Variants in ZBTB20 observed in about 807,000 individuals in gnomAD.
ZBTB20 encodes the protein zinc finger and BTB domain-containing protein 20.
In ZBTB20, 9 loss-of-function variants were observed where a neutral mutation model predicts 56.9. The ratio of observed to expected loss-of-function variants is 0.16; its 90% CI spans 0.10 to 0.28. ZBTB20 has a LOEUF of 0.28. ZBTB20 is among the 10% of genes least tolerant of loss of function. The pLI, the probability that ZBTB20 is intolerant of heterozygous loss-of-function variation, is 1.00. For synonymous variants in ZBTB20, 417 were observed against 420.7 expected (o/e 0.99, Z 0.11); for missense variants, 655 against 1,003.0 (o/e 0.65, Z 4.69).
intron 6 of ZBTB20, among the ~76,000 whole-genome samples, chr3:114,577,991 C>A (rs1259570954): frequency 6.6e-6 from 1 of 151,988 alleles, no homozygotes; most frequent in Non-Finnish European, 1.5e-5. Context: ...ACATTCACTC[C>A]AGATAAATTT....
rs2078936573 is a variant in ZBTB20, at chr3:114,322,704, A to C, written c.*16301T>G. 1 of 152,222 alleles carries C rather than the reference A, an allele frequency of 6.6e-6. No individual in the cohort carries two copies. The highest frequency in any genetic ancestry group is 6.5e-5 in the Admixed American group (1 of 15,286). The allele number at this position is 152,222 out of a possible 1,614,324, so 9.4% of individuals were successfully genotyped here. On this transcript the variant is annotated 3_prime_UTR_variant, in exon 12 of 12. Transcript: ENST00000675478. The stretch of plus-strand genomic sequence containing the variant: ...TTAAAAGCTCTGGATTTAGTTTCTT[A>C]CTTAAAACAGAGATAATGCTTTGAG...
chr3:114,446,845 T>C (rs1483991251), intron 7 of ZBTB20, among the ~76,000 whole-genome samples: 1 of 152,188 alleles, frequency 6.6e-6, no homozygotes, highest in East Asian at 1.9e-4. Flanking sequence ...ATGCTATTTC[T>C]TTTGGTACTA....
intron 5 of ZBTB20, among the ~76,000 whole-genome samples, chr3:114,701,336 G>T (rs2063377484): frequency 1.3e-5 from 2 of 152,124 alleles, no homozygotes; most frequent in South Asian, 4.1e-4. Context: ...GTCAGTATTA[G>T]ATAATCAATA....
intron 2 of ZBTB20, among the ~76,000 whole-genome samples, chr3:115,026,653 C>T (rs557040239): frequency 4.6e-5 from 7 of 150,830 alleles, no homozygotes; most frequent in African/African-American, 1.7e-4. Flanking sequence ...TGCTTGACTT[C>T]AATGTCTTCT....
intron 2 of ZBTB20, among the ~76,000 whole-genome samples, chr3:115,003,169 T>A (rs2079320650): frequency 6.6e-6 from 1 of 151,286 alleles, no homozygotes; most frequent in Non-Finnish European, 1.5e-5. Flanking sequence ...ACAGGTAGAG[T>A]ACAGAGGATT....
At chr3:114,703,433 A>T (rs929998752) in intron 5 of ZBTB20, among the ~76,000 whole-genome samples, 2 of 152,158 alleles carry the variant, frequency 1.3e-5, no homozygotes, top group Non-Finnish European at 2.9e-5. Context: ...TGTTCCTACA[A>T]CAAGCTGAAG....
intron 5 of ZBTB20, among the ~76,000 whole-genome samples, chr3:114,736,461 G>A (rs1292633806): frequency 1.3e-5 from 2 of 152,032 alleles, no homozygotes; most frequent in African/African-American, 2.4e-5. Flanking sequence ...ATTCCAGAAT[G>A]TTCTCTGAGC....
intron 7 of ZBTB20, among the ~76,000 whole-genome samples, chr3:114,406,021 A>C (rs930324085): frequency 1.3e-5 from 2 of 152,024 alleles, no homozygotes; most frequent in African/African-American, 4.8e-5. Context: ...AAAAAAAAAA[A>C]CCCTACATGC....
At chr3:115,008,291 A>G (rs951692076) in intron 2 of ZBTB20, among the ~76,000 whole-genome samples, 3 of 151,882 alleles carry the variant, frequency 2.0e-5, no homozygotes, top group African/African-American at 7.2e-5. Context: ...TGGCACTGTC[A>G]TCCACCAAGG....
intron 2 of ZBTB20, among the ~76,000 whole-genome samples, chr3:115,001,576 C>T (rs772676774): frequency 1.3e-5 from 2 of 150,424 alleles, no homozygotes; most frequent in Admixed American, 6.6e-5. Context: ...TAAAGGTATA[C>T]AAAATTTGTG....
chr3:114,417,202 A>G (rs538762824), intron 7 of ZBTB20, among the ~76,000 whole-genome samples: 2 of 152,102 alleles, frequency 1.3e-5, no homozygotes, highest in African/African-American at 4.8e-5. Flanking sequence ...ACTTAAATAA[A>G]TTAAGTAAGT....
At chr3:115,043,385 C>A (rs1051455390) in intron 2 of ZBTB20, among the ~76,000 whole-genome samples, 1 of 150,826 alleles carries the variant, frequency 6.6e-6, no homozygotes, top group Non-Finnish European at 1.5e-5. Flanking sequence ...ATGGTGAAAC[C>A]CCATCTCTAC....
chr3:114,922,784 C>A (rs1230062922), intron 3 of ZBTB20, among the ~76,000 whole-genome samples: 1 of 147,588 alleles, frequency 6.8e-6, no homozygotes. Context: ...TTATAACAAT[C>A]GGCTCTCATG....
chr3:114,488,392 G>A (rs573533247), intron 7 of ZBTB20, among the ~76,000 whole-genome samples: 4 of 151,786 alleles, frequency 2.6e-5, no homozygotes, highest in African/African-American at 9.7e-5. Context: ...AAAATATTAG[G>A]GATATATCAC....
rs1214944250 is a variant in ZBTB20 at position 114,334,740 on chromosome 3, T to C, written c.*4265A>G. On this transcript the variant is annotated 3_prime_UTR_variant, in exon 12 of 12. Coordinates refer to ENST00000675478, the MANE Select transcript of ZBTB20 (RefSeq NM_001348800.3). The stretch of plus-strand genomic sequence containing the variant: ...AGGCTAGAATATGAGCAGGAAATTA[T>C]CCAGCACACTTAATCATGGCACAAA... 6.6e-6 allele frequency: 1 copy of C among 152,228 alleles called. No individual in the cohort carries two copies. Among genetic ancestry groups the C allele is most frequent in the Non-Finnish European group, 1.5e-5 (1 of 68,036 alleles). The allele number at this position is 152,228 out of a possible 1,614,324, so 9.4% of individuals were successfully genotyped here. A position where few individuals can be genotyped will look rare whatever the true frequency, so the allele number is the denominator to read the frequency against.
intron 4 of ZBTB20, among the ~76,000 whole-genome samples, chr3:114,839,467 G>GAAAGAAAGAAAGAAAGAA (rs1420146858): frequency 4.0e-5 from 6 of 150,240 alleles, no homozygotes; most frequent in African/African-American, 7.3e-5. Flanking sequence ...AAGAAAGAAA[G>GAAAGAAAGAAAGAAAGAA]AGAGAGAGAA....
chr3:115,018,563 A>G (rs993706741), intron 2 of ZBTB20, among the ~76,000 whole-genome samples: 3 of 151,430 alleles, frequency 2.0e-5, no homozygotes, highest in South Asian at 2.1e-4. Context: ...ATTTAGATTG[A>G]TATGTTCCCA....
At chr3:115,133,700 TC>T (rs1244812049) in intron 1 of ZBTB20, among the ~76,000 whole-genome samples, 1 of 152,228 alleles carries the variant, frequency 6.6e-6, no homozygotes, top group African/African-American at 2.4e-5. Flanking sequence ...ATAGTATGTA[TC>T]AGTACTTCAT....
chr3:114,895,138 C>T (rs1296394674), intron 4 of ZBTB20, among the ~76,000 whole-genome samples: 1 of 152,022 alleles, frequency 6.6e-6, no homozygotes, highest in Non-Finnish European at 1.5e-5. Flanking sequence ...ATTCATAAAT[C>T]CACTTTTCTA....
Sources: allele counts gnomAD v4.1 joint callset (sites outside exome capture counted in the v4.1 genomes callset), GRCh38; gene constraint gnomAD v4.1.1; transcripts MANE v1.5; gene names NCBI Gene and HGNC (gene_info 2026-07-23, HGNC 2026-07-21).